The following EZR variants were observed in gnomAD, a reference collection of about 807,000 sequenced individuals.
The protein encoded by EZR is cytovillin 2.
EZR carries 40 observed loss-of-function variants against 74.8 expected under a neutral mutation model. The ratio of observed to expected loss-of-function variants is 0.53; its 90% CI spans 0.42 to 0.70. EZR has a LOEUF of 0.70. Ranked by LOEUF, EZR falls within the 30% of genes least tolerant of loss-of-function variation. The pLI is 0.00. For missense variants in EZR, 678 were observed against 755.8 expected (o/e 0.90, Z 1.21); for synonymous variants, 341 against 283.3 (o/e 1.20, Z -2.05).
chr6:158,813,957 T>A (rs1039589580), intron 2 of EZR, among the ~76,000 whole-genome samples: 1 of 152,168 alleles, frequency 6.6e-6, no homozygotes, highest in African/African-American at 2.4e-5. Flanking sequence ...TTCTTTCCAC[T>A]GGGCAGAAGA....
At position 158,803,582 on chromosome 6, in the gene EZR, CATATATATATATATATATAT is replaced by C. The variant is rs60495898; in HGVS notation, c.13-14231_13-14212del. On this transcript the variant is annotated intron_variant, in intron 2 of 13. Coordinates refer to ENST00000367075, the MANE Select transcript of EZR (RefSeq NM_001111077.2). ...ATATATATATATATATATATATATA[CATATATATATATATATATAT>C]ATACATATATATATATATATATACA... is the stretch of plus-strand genomic sequence containing the variant. Among the ~76,000 whole-genome samples the C allele has an allele frequency of 2.3e-3, 101 of 43,658 alleles. 9 individuals carry two copies. Among genetic ancestry groups the C allele is most frequent in the East Asian group, 5.1e-3 (5 of 984 alleles). The allele number at this position is 43,658 out of a possible 152,430, so 28.6% of individuals were successfully genotyped here.
At chr6:158,767,560 C>T (rs756716026) in intron 12 of EZR, 48 bp from the exon 13 acceptor site, 32 of 1,529,608 alleles carry the variant, frequency 2.1e-5, no homozygotes, top group Middle Eastern at 1.8e-4. Context: ...GAAGTCCTAT[C>T]CTCCTGGCTA....
chr6:158,817,806 A>T (rs1379209888), intron 2 of EZR, among the ~76,000 whole-genome samples: 1 of 152,124 alleles, frequency 6.6e-6, no homozygotes, highest in Non-Finnish European at 1.5e-5. Context: ...AGCAGTGTAA[A>T]AAGGCCTCTA....
intron 2 of EZR, among the ~76,000 whole-genome samples, chr6:158,802,971 C>G (rs1037955035): frequency 6.6e-6 from 1 of 151,090 alleles, no homozygotes; most frequent in Admixed American, 6.6e-5. Flanking sequence ...ACTCATTTCC[C>G]AGAGAAGCCA....
At chr6:158,784,590 C>A in intron 6 of EZR, 54 bp downstream of exon 6, 1 of 1,484,544 alleles carries the variant, frequency 6.7e-7, no homozygotes, top group Non-Finnish European at 9.4e-7. Flanking sequence ...CAGGAAAAGA[C>A]ATGCTGGAGC....
chr6:158,776,310 C>CTA, intron 8 of EZR, 98 bp downstream of exon 8: 1 of 1,000,094 alleles, frequency 1.0e-6, no homozygotes, highest in Admixed American at 1.8e-5. Flanking sequence ...GGAGTTTGGA[C>CTA]TATCACTGGC....
chr6:158,800,239 C>CTA (rs1302526097), intron 2 of EZR, among the ~76,000 whole-genome samples: 5 of 152,246 alleles, frequency 3.3e-5, no homozygotes, highest in African/African-American at 1.2e-4. Context: ...TGAAGTCTCT[C>CTA]TATATATATC....
intron 2 of EZR, among the ~76,000 whole-genome samples, chr6:158,801,864 C>G (rs971354538): frequency 6.6e-6 from 1 of 152,208 alleles, no homozygotes; most frequent in Non-Finnish European, 1.5e-5. Context: ...GGCAGAGTTC[C>G]GAGTACAGAC....
At chr6:158,787,055 T>G in intron 4 of EZR, 53 bp downstream of exon 4, 1 of 1,416,448 alleles carries the variant, frequency 7.1e-7, no homozygotes, top group Non-Finnish European at 9.9e-7. Context: ...TCCTTATCGA[T>G]GAAGCAGACC....
At chr6:158,816,499 T>C (rs1249119605) in intron 2 of EZR, among the ~76,000 whole-genome samples, 1 of 152,224 alleles carries the variant, frequency 6.6e-6, no homozygotes, top group Non-Finnish European at 1.5e-5. Flanking sequence ...GGTAATCTTC[T>C]TGACCACTCC....
At chr6:158,818,213 TCCTCCTGCCGCGC>T (rs965745114) in intron 1 of EZR, 47 bp from the exon 2 acceptor site, 617 of 1,101,138 alleles carry the variant, frequency 5.6e-4, no homozygotes, top group Non-Finnish European at 7.6e-4. Context: ...CCCTGCCTCG[TCCTCCTGCCGCGC>T]CCGACACTCG....
At chr6:158,769,289 C>T in intron 12 of EZR, 37 bp downstream of exon 12, 1 of 1,585,312 alleles carries the variant, frequency 6.3e-7, no homozygotes, top group Non-Finnish European at 8.6e-7. Context: ...GCAACAGGTG[C>T]TGTGGCCGTG....
At position 158,815,263 on chromosome 6, in the gene EZR, C is replaced by T. The variant is rs1218353710; in HGVS notation, c.12+2819G>A. Reference sequence around the variant, plus strand: ...AAACCAAACCAAAACTAACTGGATCCTCTCTAACAGCCTTAAGAAATGTCA... The same window carrying T: ...AAACCAAACCAAAACTAACTGGATCTTCTCTAACAGCCTTAAGAAATGTCA... On this transcript the variant is annotated intron_variant, in intron 2 of 13. Transcript: ENST00000367075. 2.6e-5 allele frequency among the ~76,000 whole-genome samples: 4 copies of T among 152,172 alleles called. No homozygotes were observed. In the East Asian group the frequency reaches 5.8e-4, roughly 22 times the overall value.
In EZR at chr6:158,766,873, CCG is replaced by C; in HGVS notation, c.*39_*40del. ...ACAAGCGTGGCGGGGCTGGCAGCGC[CCG>C]CTATGAGCACCCCTCTGCCCTTGGT... On this transcript the variant is annotated 3_prime_UTR_variant, in exon 14 of 14. Coordinates refer to ENST00000367075, the MANE Select transcript of EZR (RefSeq NM_001111077.2). The C allele has an allele frequency of 6.3e-7, 1 of 1,583,792 alleles. No individual in the cohort carries two copies. Among genetic ancestry groups the C allele is most frequent in the Non-Finnish European group, 8.6e-7 (1 of 1,158,810 alleles).
chr6:158,818,728 C>A (rs1468943754), intron 1 of EZR, among the ~76,000 whole-genome samples: 1 of 149,430 alleles, frequency 6.7e-6, no homozygotes, highest in Non-Finnish European at 1.5e-5. Flanking sequence ...GGAGCGCGCG[C>A]CTGGGAGAGA....
intron 2 of EZR, among the ~76,000 whole-genome samples, chr6:158,808,084 T>G (rs2128576162): frequency 6.6e-6 from 1 of 152,298 alleles, no homozygotes; most frequent in East Asian, 1.9e-4. Flanking sequence ...TGAATGAACT[T>G]TATGCAGGGT....
At chr6:158,797,054 G>A (rs1332998923) in intron 2 of EZR, among the ~76,000 whole-genome samples, 1 of 152,064 alleles carries the variant, frequency 6.6e-6, no homozygotes, top group Non-Finnish European at 1.5e-5. Context: ...CCTCATTTTG[G>A]TAAATAAATA....
In EZR at chr6:158,803,328, G is replaced by T. The variant is rs1000040015; in HGVS notation, c.13-13957C>A. Among the ~76,000 whole-genome samples, 5 of 150,996 alleles carry T rather than the reference G, an allele frequency of 3.3e-5. No homozygotes were observed. In the South Asian group the frequency reaches 8.4e-4, roughly 25 times the overall value. On this transcript the variant is annotated intron_variant, in intron 2 of 13. Coordinates refer to ENST00000367075, the MANE Select transcript of EZR (RefSeq NM_001111077.2). ...AATGAGTACTCGATACGAGGTATAC[G>T]GTTATCCTCGTCTGATGACCTTTTT...
intron 1 of EZR, among the ~76,000 whole-genome samples, chr6:158,818,781 G>A (rs9457476): frequency 0.52 from 77,578 of 148,602 alleles, 21,057 homozygotes; most frequent in Non-Finnish European, 0.61. Context: ...AAGGAGTCCC[G>A]GGACAGCCAG....
Sources: gnomAD v4.1 joint callset for allele counts (sites outside exome capture counted in the v4.1 genomes callset) on GRCh38, gnomAD v4.1.1 for gene constraint, MANE v1.5 for transcripts, NCBI Gene and HGNC (gene_info 2026-07-23, HGNC 2026-07-21) for gene names.